The following TET3 variants were observed in gnomAD, a reference collection of about 807,000 sequenced individuals.
The protein encoded by TET3 is methylcytosine dioxygenase TET3.
A neutral mutation model predicts 141.4 loss-of-function variants in TET3; 19 were observed. The observed-to-expected ratio is 0.13, with a 90% CI of 0.09 to 0.20. The LOEUF (loss-of-function observed/expected upper bound fraction) is 0.20, where lower values mean the gene tolerates loss of function less well. Among genes scored for constraint, TET3 ranks in the 10% least tolerant of loss-of-function variants. The pLI is 1.00. For missense variants in TET3, 1,874 were observed against 2,356.9 expected (o/e 0.80, Z 4.24); for synonymous variants, 1,043 against 980.9 (o/e 1.06, Z -1.18).
chr2:73,995,392 C>T lies in TET3; in HGVS notation c.304-7718C>T, dbSNP rs534386008. ...CCTCAGTTGGGGTAAGGTCTGTGAA[C>T]TGTTTTGAAAATTTCAGCCAAATGT... On this transcript the variant is annotated intron_variant, in intron 2 of 11. Coordinates refer to ENST00000409262, the MANE Select transcript of TET3 (RefSeq NM_001287491.2). Among the ~76,000 whole-genome samples the T allele has an allele frequency of 5.9e-5, 9 of 152,284 alleles. No homozygotes were observed. The South Asian group carries it at 1.9e-3, about 32-fold the overall frequency.
chr2:74,016,355 G>A (rs1338070791), intron 3 of TET3, among the ~76,000 whole-genome samples: 2 of 151,890 alleles, frequency 1.3e-5, no homozygotes, highest in Non-Finnish European at 2.9e-5. Context: ...TGTATGCCAG[G>A]CACTGTGCTG....
intron 4 of TET3, among the ~76,000 whole-genome samples, chr2:74,057,574 G>T (rs1329117499): frequency 6.6e-6 from 1 of 152,200 alleles, no homozygotes; most frequent in African/African-American, 2.4e-5. Context: ...ATAGACCAGT[G>T]GCTTTCAATT....
At chr2:74,128,967 G>A in the TET3 span, among the ~76,000 whole-genome samples, 1 of 128,254 alleles carries the variant, frequency 7.8e-6, no homozygotes, top group Non-Finnish European at 1.6e-5. Context: ...ACTTCAGACT[G>A]GTTGACAGAG....
intron 3 of TET3, among the ~76,000 whole-genome samples, chr2:74,022,777 A>AT (rs564236733): frequency 1.2e-3 from 188 of 151,654 alleles, no homozygotes; most frequent in Middle Eastern, 3.4e-3. Flanking sequence ...TCTGCTTTTT[A>AT]TTTTTTTTAT....
chr2:74,026,969 T>C (rs1454803325), intron 3 of TET3, among the ~76,000 whole-genome samples: 3 of 152,258 alleles, frequency 2.0e-5, no homozygotes, highest in Admixed American at 6.5e-5. Flanking sequence ...TGCAGTGACG[T>C]GGGAGGTATT....
At chr2:74,116,689 T>TAA in the TET3 span, among the ~76,000 whole-genome samples, 1 of 133,080 alleles carries the variant, frequency 7.5e-6, no homozygotes. Flanking sequence ...CATCCCAAGT[T>TAA]AAAAAAAAAA....
At position 73,989,937 on chromosome 2, in the gene TET3, C is replaced by T. The variant is rs137959002; in HGVS notation, c.303+3231C>T. ...TTTCTCAATTGTAAGATGGGAGTAA[C>T]CCTGCTTTGTAGGGTTGTCATGAGG... On this transcript the variant is annotated intron_variant, in intron 2 of 11. Coordinates refer to ENST00000409262, the MANE Select transcript of TET3 (RefSeq NM_001287491.2). 6.9e-3 allele frequency among the ~76,000 whole-genome samples: 1,057 copies of T among 152,194 alleles called. 10 individuals carry two copies. The highest frequency in any genetic ancestry group is 0.024 in the African/African-American group (992 of 41,500).
At chr2:74,017,189 T>A (rs1685772515) in intron 3 of TET3, among the ~76,000 whole-genome samples, 1 of 152,142 alleles carries the variant, frequency 6.6e-6, no homozygotes, top group African/African-American at 2.4e-5. Context: ...CTTGGGAGGC[T>A]GACATGGGAG....
At chr2:74,109,908 G>A (rs1691662812), downstream of TET3, among the ~76,000 whole-genome samples, 1 of 152,090 alleles carries the variant, frequency 6.6e-6, no homozygotes, top group South Asian at 2.1e-4. Flanking sequence ...AGCGGCTTGT[G>A]GCTTGGAAAG....
At chr2:74,065,620 G>GTCCTTCCTTCCT (rs150547831) in intron 4 of TET3, among the ~76,000 whole-genome samples, 42 of 142,530 alleles carry the variant, frequency 2.9e-4, no homozygotes, top group South Asian at 1.5e-3. Context: ...CCGTCCGTCC[G>GTCCTTCCTTCCT]TCCTTCCTTC....
intron 3 of TET3, among the ~76,000 whole-genome samples, chr2:74,033,146 G>A (rs1436217602): frequency 1.3e-5 from 2 of 152,178 alleles, no homozygotes; most frequent in Admixed American, 6.5e-5. Flanking sequence ...GCAGTTTCAG[G>A]TGTTTTATAG....
At chr2:74,016,147 T>G (rs1337400655) in intron 3 of TET3, among the ~76,000 whole-genome samples, 2 of 151,856 alleles carry the variant, frequency 1.3e-5, no homozygotes, top group Non-Finnish European at 2.9e-5. Flanking sequence ...GCAGGAGAAT[T>G]GCTTGAGGCC....
At position 74,102,192 on chromosome 2, in the gene TET3, C is replaced by A; in HGVS notation, c.*16C>A. 4.9e-6 allele frequency: 7 copies of A among 1,426,954 alleles called. No homozygotes were observed. Among genetic ancestry groups the A allele is most frequent in the Non-Finnish European group, 6.4e-6 (7 of 1,087,684 alleles). The allele number at this position is 1,426,954 out of a possible 1,614,324, so 88.4% of individuals were successfully genotyped here. A position where few individuals can be genotyped will look rare whatever the true frequency, so the allele number is the denominator to read the frequency against. On this transcript the variant is annotated 3_prime_UTR_variant, in exon 12 of 12. Coordinates refer to ENST00000409262, the MANE Select transcript of TET3 (RefSeq NM_001287491.2). ...CTGGATCTAGGTGCCAGGGAGCCAG[C>A]GTACCTCAGCGTCGGGCCTGGCCCG...
the TET3 span, chr2:74,130,726 G>C: frequency 6.6e-6 from 1 of 152,356 alleles, no homozygotes; most frequent in African/African-American, 2.4e-5. Context: ...GATACAGCCG[G>C]CCTGAGGGAC....
intron 4 of TET3, among the ~76,000 whole-genome samples, chr2:74,067,519 A>G (rs1476857745): frequency 1.3e-5 from 2 of 152,258 alleles, no homozygotes; most frequent in African/African-American, 4.8e-5. Flanking sequence ...TCCGTCTGCA[A>G]GATCAGTATT....
chr2:74,092,805 C>G, intron 8 of TET3, 97 bp from the exon 9 acceptor site: 1 of 1,058,132 alleles, frequency 9.5e-7, no homozygotes, highest in Admixed American at 2.0e-5. Flanking sequence ...CCCTCCCAGC[C>G]TCCCCCACGA....
intron 2 of TET3, among the ~76,000 whole-genome samples, chr2:73,986,990 G>C (rs1388093353): frequency 1.3e-5 from 2 of 152,186 alleles, no homozygotes; most frequent in African/African-American, 2.4e-5. Flanking sequence ...GAAGTTTCTT[G>C]TCCTGCTGCT....
intron 3 of TET3, among the ~76,000 whole-genome samples, chr2:74,036,028 C>A (rs1248104798): frequency 2.0e-5 from 3 of 152,160 alleles, no homozygotes; most frequent in African/African-American, 7.2e-5. Context: ...AAAAAAAGTT[C>A]TTGCTAAACC....
Position 74,048,177 on chromosome 2 carries a change from C to A in TET3, c.2260C>A (p.Pro754Thr). ...TGAGAGCCCCTTTGCTACCCGTTCC[C>A]CCAAGCAAATCAAGATTGAGTCTTC... ...APESPFATRS[P>T]KQIKIESSGA... The change falls in exon 4 of 12, where the codon CCC (proline) becomes ACC (threonine). Residue 754 changes from proline (P) to threonine (T), a missense_variant. By Grantham distance (38) the Pro-to-Thr change is conservative. Around this residue, in one of 10 missense-constraint regions of TET3, gnomAD observed 83 missense variants for 107.0 expected, o/e 0.78. Transcript: ENST00000409262. The A allele has an allele frequency of 6.2e-7, 1 of 1,612,706 alleles. No individual in the cohort carries two copies. The highest frequency in any genetic ancestry group is 1.1e-5 in the South Asian group (1 of 90,890).
Sources: gnomAD v4.1 joint callset for allele counts (sites outside exome capture counted in the v4.1 genomes callset) on GRCh38, gnomAD v4.1.1 for gene constraint, gnomAD v4.1.1 regional missense constraint, MANE v1.5 for transcripts, NCBI Gene and HGNC (gene_info 2026-07-23, HGNC 2026-07-21) for gene names.